ANKFN1: variants seen among roughly 807,000 people sequenced by gnomAD.
ANKFN1 encodes the protein ankyrin repeat and fibronectin type III domain containing 1.
ANKFN1 carries 74 observed loss-of-function variants against 108.7 expected under a neutral mutation model. The ratio of observed to expected loss-of-function variants is 0.68; its 90% confidence interval spans 0.56 to 0.83. ANKFN1 has a LOEUF of 0.83. ANKFN1 is among the 40% of genes least tolerant of loss of function. The pLI is 0.00. For synonymous variants in ANKFN1, 547 were observed against 516.2 expected (o/e 1.06, Z -0.81); for missense variants, 1,505 against 1,382.3 (o/e 1.09, Z -1.41).
At chr17:56,229,302 G>T (rs1209470565) in intron 3 of ANKFN1, among the ~76,000 whole-genome samples, 1 of 152,056 alleles carries the variant, frequency 6.6e-6, no homozygotes, top group Admixed American at 6.6e-5. Context: ...TTTATGAGTA[G>T]TCTCCTTTTC....
intron 8 of ANKFN1, among the ~76,000 whole-genome samples, chr17:56,406,726 C>G (rs2144966852): frequency 6.6e-6 from 1 of 152,220 alleles, no homozygotes; most frequent in South Asian, 2.1e-4. Context: ...ACTTACAAGG[C>G]TAGGAGCAGG....
chr17:56,494,374 AGT>A (rs2051130184), intron 19 of ANKFN1, among the ~76,000 whole-genome samples: 1 of 152,098 alleles, frequency 6.6e-6, no homozygotes, highest in East Asian at 1.9e-4. Flanking sequence ...GAAAAGGAAG[AGT>A]GTAGCATGAG....
chr17:56,059,013 A>G (rs905635451), intron 4 of ANKFN1, among the ~76,000 whole-genome samples: 4 of 152,148 alleles, frequency 2.6e-5, no homozygotes, highest in Non-Finnish European at 5.9e-5. Flanking sequence ...TCACCATACT[A>G]TCTTCCACAA....
At chr17:56,330,724 C>G (rs1034858602) in intron 4 of ANKFN1, among the ~76,000 whole-genome samples, 4 of 152,110 alleles carry the variant, frequency 2.6e-5, no homozygotes, top group Non-Finnish European at 5.9e-5. Context: ...GGGATACTAT[C>G]TTACTTACTT....
intron 6 of ANKFN1, among the ~76,000 whole-genome samples, chr17:56,364,960 C>T (rs538990999): frequency 1.3e-5 from 2 of 152,098 alleles, no homozygotes; most frequent in African/African-American, 2.4e-5. Flanking sequence ...ATGAGTCTTG[C>T]GTCCTGAATC....
At chr17:56,394,488 G>A (rs2047522970) in intron 8 of ANKFN1, among the ~76,000 whole-genome samples, 1 of 152,196 alleles carries the variant, frequency 6.6e-6, no homozygotes, top group South Asian at 2.1e-4. Context: ...TCCTCCTGGG[G>A]AAAAGTCAGC....
intron 3 of ANKFN1, among the ~76,000 whole-genome samples, chr17:56,298,685 AT>A (rs1181487952): frequency 6.7e-6 from 1 of 148,678 alleles, no homozygotes; most frequent in African/African-American, 2.6e-5. Context: ...TTCTTTATAT[AT>A]ATAGAGAGAG....
intron 4 of ANKFN1, among the ~76,000 whole-genome samples, chr17:56,117,578 G>T (rs1906356993): frequency 6.6e-6 from 1 of 152,134 alleles, no homozygotes; most frequent in Non-Finnish European, 1.5e-5. Context: ...TTACTTTAAA[G>T]TTAGGCTTTC....
Position 56,350,926 on chromosome 17 carries a change from A to C in ANKFN1, c.349A>C (p.Arg117=). The C allele has an allele frequency of 6.2e-7, 1 of 1,613,820 alleles. No homozygotes were observed. Among genetic ancestry groups the C allele is most frequent in the African/African-American group, 1.3e-5 (1 of 75,056 alleles). Residue 117 remains arginine, a synonymous_variant, in exon 5 of 21, where the codon AGG becomes CGG. Coordinates refer to ENST00000682825, the MANE Select transcript of ANKFN1 (RefSeq NM_001370326.1). ...CTCTTCCTTCGATGAGGCCTATTTT[A>C]GGACAAGAACTGATCGGCTGAGTCT... ...SHSSFDEAYF[R]TRTDRLSLRK... is the part of the protein sequence containing the mutation.
chr17:56,186,149 T>TA (rs1480926672), intron 1 of ANKFN1, among the ~76,000 whole-genome samples: 1 of 152,188 alleles, frequency 6.6e-6, no homozygotes, highest in Non-Finnish European at 1.5e-5. Context: ...GGTGGGTAGT[T>TA]ACTGTAGCCA....
At chr17:56,205,966 C>G (rs1914497090) in intron 1 of ANKFN1, among the ~76,000 whole-genome samples, 1 of 152,122 alleles carries the variant, frequency 6.6e-6, no homozygotes, top group Non-Finnish European at 1.5e-5. Flanking sequence ...AAGCATGCTT[C>G]CATCCACATT....
chr17:56,092,266 A>ATTTTTTTTTT (rs748898792), intron 4 of ANKFN1, among the ~76,000 whole-genome samples: 4 of 111,374 alleles, frequency 3.6e-5, no homozygotes, highest in African/African-American at 1.6e-4. Context: ...GTGAGGTAGT[A>ATTTTTTTTTT]TTTTTTTTTT....
At chr17:56,134,813 G>T (rs1487133840) in intron 4 of ANKFN1, among the ~76,000 whole-genome samples, 1 of 152,184 alleles carries the variant, frequency 6.6e-6, no homozygotes, top group Non-Finnish European at 1.5e-5. Flanking sequence ...CTAGTGCAAA[G>T]AAATGTCAAT....
At chr17:56,396,104 C>A (rs2047576374) in intron 8 of ANKFN1, among the ~76,000 whole-genome samples, 1 of 137,534 alleles carries the variant, frequency 7.3e-6, no homozygotes, top group African/African-American at 2.7e-5. Context: ...AAAATGTGTG[C>A]AGCATCTTTT....
chr17:56,488,849 A>G (rs2050938163), intron 18 of ANKFN1, among the ~76,000 whole-genome samples: 1 of 152,248 alleles, frequency 6.6e-6, no homozygotes, highest in South Asian at 2.1e-4. Context: ...GTCCTGTTCT[A>G]ATATTCTAAT....
intron 18 of ANKFN1, among the ~76,000 whole-genome samples, chr17:56,483,036 G>T (rs1231879470): frequency 6.6e-6 from 1 of 152,142 alleles, no homozygotes; most frequent in Non-Finnish European, 1.5e-5. Flanking sequence ...ACAATTTTAA[G>T]TAGCACTGAC....
At chr17:56,140,770 G>A (rs79770853) in intron 4 of ANKFN1, among the ~76,000 whole-genome samples, 1,617 of 152,238 alleles carry the variant, frequency 0.011, 24 homozygotes, top group African/African-American at 0.036. Flanking sequence ...ATACAAATGT[G>A]TATGTTCCCT....
At chr17:56,070,174 C>A (rs1905102647) in intron 4 of ANKFN1, among the ~76,000 whole-genome samples, 1 of 152,194 alleles carries the variant, frequency 6.6e-6, no homozygotes, top group Admixed American at 6.5e-5. Flanking sequence ...CCCAGTAGGT[C>A]TCCGCCTCAT....
intron 8 of ANKFN1, among the ~76,000 whole-genome samples, chr17:56,389,604 C>G (rs752137066): frequency 1.3e-5 from 2 of 152,202 alleles, no homozygotes; most frequent in African/African-American, 2.4e-5. Flanking sequence ...CTTAAGCCAA[C>G]ACTTGTGGAA....
Sources: gnomAD v4.1 joint callset for allele counts (sites outside exome capture counted in the v4.1 genomes callset) on GRCh38, gnomAD v4.1.1 for gene constraint, MANE v1.5 for transcripts, NCBI Gene and HGNC (gene_info 2026-07-23, HGNC 2026-07-21) for gene names.